DDX42: variants seen among roughly 807,000 people sequenced by gnomAD.
DDX42 encodes the protein DEAD-box helicase 42.
Under a neutral mutation model 101.5 loss-of-function variants are expected in DDX42, and 22 were observed. The observed-to-expected ratio is 0.22, with a 90% CI of 0.15 to 0.31. The LOEUF (loss-of-function observed/expected upper bound fraction) is 0.31, where lower values mean the gene tolerates loss of function less well. Among genes scored for constraint, DDX42 ranks in the 10% least tolerant of loss-of-function variants. The pLI, the probability that DDX42 is intolerant of heterozygous loss-of-function variation, is 1.00. For synonymous variants in DDX42, 402 were observed against 401.2 expected, an observed-to-expected ratio of 1.00 and a Z score of -0.02; for missense variants, 849 against 1,199.9, an observed-to-expected ratio of 0.71 and a Z score of 4.32.
chr17:63,788,440 A>G (rs2584636), intron 2 of DDX42, among the ~76,000 whole-genome samples: 104,620 of 150,700 alleles, frequency 0.69, 37,615 homozygotes, highest in African/African-American at 0.9. Context: ...CCAAGTAACT[A>G]GGACTACAGG....
At chr17:63,781,459 C>T (rs1480220017) in intron 1 of DDX42, among the ~76,000 whole-genome samples, 1 of 151,966 alleles carries the variant, frequency 6.6e-6, no homozygotes, top group South Asian at 2.1e-4. Context: ...CCTTGTGATC[C>T]GCCTGCCTTG....
At chr17:63,800,004 A>G (rs2144562223) in intron 5 of DDX42, 1 of 223,978 alleles carries the variant, frequency 4.5e-6, no homozygotes, top group South Asian at 1.2e-4. Context: ...TGGTTCTTGT[A>G]TTTCAAGCTG....
chr17:63,810,941 C>G lies in DDX42; in HGVS notation c.1301-135C>G, dbSNP rs1047549160. On this transcript the variant is annotated intron_variant, in intron 12 of 17. Transcript: ENST00000389924. ...AAGAGCAAATCTTTCCCTAGTGAATCAGTTTCTAAACTAAATTTAAAGTTC... is the reference window on the plus strand; with the variant it reads ...AAGAGCAAATCTTTCCCTAGTGAATGAGTTTCTAAACTAAATTTAAAGTTC... 4.5e-6 allele frequency: 3 copies of G among 671,710 alleles called. No homozygotes were observed. The Admixed American group carries it at 9.0e-5, about 20-fold the overall frequency. 41.6% of individuals were successfully genotyped at this position (671,710 alleles called of 1,614,324 possible).
chr17:63,781,756 A>G (rs1368237644), intron 1 of DDX42, among the ~76,000 whole-genome samples: 2 of 151,932 alleles, frequency 1.3e-5, no homozygotes, highest in Non-Finnish European at 2.9e-5. Flanking sequence ...CACGCCTGTA[A>G]TCCTAGCACT....
chr17:63,787,202 A>T lies in DDX42; in HGVS notation c.153A>T (p.Ser51=), dbSNP rs773702399. 6.2e-7 allele frequency: 1 copy of T among 1,614,198 alleles called. No homozygotes were observed. The highest frequency in any genetic ancestry group is 1.7e-5 in the Admixed American group (1 of 60,012). The change falls in exon 2 of 18, where the codon TCA becomes TCT. Residue 51 remains serine (S), a synonymous_variant. Transcript: ENST00000389924. ...GCTCTTCTTCTGGATTTGGAAAGTC[A>T]GCTCCACCACAGCTTCCTTCTTTCT... is the stretch of plus-strand genomic sequence containing the variant. The part of the protein sequence containing the change: ...ATSSSSGFGK[S]APPQLPSFYK...
intron 1 of DDX42, among the ~76,000 whole-genome samples, chr17:63,786,607 T>C (rs2039550287): frequency 1.3e-5 from 2 of 152,206 alleles, no homozygotes; most frequent in Admixed American, 1.3e-4. Context: ...ATAGTTTTAA[T>C]TGAGAAGCTA....
chr17:63,800,177 G>C lies in DDX42; in HGVS notation c.472-291G>C, dbSNP rs988401818. On this transcript the variant is annotated intron_variant, in intron 5 of 17. Transcript: ENST00000389924. Reference sequence around the variant, plus strand: ...GCCACAGCATGTGTTCTATGGCTCTGGGCAGGGTTGATAGACACCCCACTC... The same window carrying C: ...GCCACAGCATGTGTTCTATGGCTCTCGGCAGGGTTGATAGACACCCCACTC... 3.6e-4 allele frequency: 120 copies of C among 332,596 alleles called. 1 individual carries two copies. Among genetic ancestry groups the C allele is most frequent in the African/African-American group, 2.1e-3 (100 of 46,894 alleles). The allele number at this position is 332,596 out of a possible 1,614,324, so 20.6% of individuals were successfully genotyped here.
chr17:63,804,424 C>T (rs2039813099), intron 6 of DDX42, among the ~76,000 whole-genome samples: 1 of 152,168 alleles, frequency 6.6e-6, no homozygotes, highest in Non-Finnish European at 1.5e-5. Flanking sequence ...CTTGGCCATA[C>T]ATTTTTTAAA....
chr17:63,813,636 T>C lies in DDX42; in HGVS notation c.1902+182T>C, dbSNP rs116242609. On this transcript the variant is annotated intron_variant, in intron 15 of 17. Coordinates refer to ENST00000389924, the MANE Select transcript of DDX42 (RefSeq NM_203499.3). ...TTCATCTAGTCTTATCTGGTCTTCT[T>C]CTTTCAACAGCATCTGTTTTGAAAA... 7.0e-3 allele frequency among the ~76,000 whole-genome samples: 1,071 copies of C among 152,334 alleles called. 16 individuals carry two copies. The highest frequency in any genetic ancestry group is 0.024 in the African/African-American group (1,011 of 41,568).
chr17:63,813,542 CAAG>C (rs1483289652), intron 15 of DDX42, 88 bp downstream of exon 15: 6 of 1,263,816 alleles, frequency 4.7e-6, no homozygotes, highest in African/African-American at 4.5e-5. Flanking sequence ...AAAAACTTGA[CAAG>C]AAAGTTGGGT....
At chr17:63,797,613 C>CAGAT (rs564764170) in intron 3 of DDX42, among the ~76,000 whole-genome samples, 150 of 152,324 alleles carry the variant, frequency 9.8e-4, no homozygotes, top group African/African-American at 3.5e-3. Context: ...CAGACATTGC[C>CAGAT]AGATGTTGCC....
At chr17:63,787,843 GA>G (rs1226242660) in intron 2 of DDX42, among the ~76,000 whole-genome samples, 1 of 147,528 alleles carries the variant, frequency 6.8e-6, no homozygotes. Context: ...TCCCATCTCA[GA>G]AAAAAACCAA....
intron 3 of DDX42, among the ~76,000 whole-genome samples, chr17:63,797,370 A>AAAAAAAAT (rs2039706625): frequency 6.6e-6 from 1 of 151,454 alleles, no homozygotes. Flanking sequence ...AAAAAAAAAA[A>AAAAAAAAT]GAATTGCCTA....
intron 1 of DDX42, among the ~76,000 whole-genome samples, chr17:63,779,848 G>C (rs1475652426): frequency 6.6e-6 from 1 of 152,060 alleles, no homozygotes; most frequent in Admixed American, 6.6e-5. Context: ...AGAGTACTGG[G>C]AATATAGGCG....
chr17:63,801,861 G>T (rs764848732), intron 6 of DDX42, among the ~76,000 whole-genome samples: 1 of 152,132 alleles, frequency 6.6e-6, no homozygotes, highest in Admixed American at 6.5e-5. Flanking sequence ...GATCCTTAAG[G>T]AATGAGGACA....
chr17:63,793,985 G>T (rs556733085), intron 3 of DDX42, among the ~76,000 whole-genome samples: 2 of 151,606 alleles, frequency 1.3e-5, no homozygotes, highest in South Asian at 4.2e-4. Flanking sequence ...ATCTAATTTC[G>T]CTTGCTTAGT....
intron 14 of DDX42, among the ~76,000 whole-genome samples, chr17:63,812,922 A>G (rs1451498705): frequency 2.6e-5 from 4 of 152,262 alleles, no homozygotes; most frequent in Middle Eastern, 3.4e-3. Flanking sequence ...CTACTTGGAA[A>G]GCTGAGGCAG....
intron 17 of DDX42, chr17:63,817,443 G>A: frequency 2.2e-6 from 1 of 449,036 alleles, no homozygotes; most frequent in Non-Finnish European, 4.0e-6. Context: ...ATACATAGAT[G>A]CTTTATTCTA....
At chr17:63,812,311 G>T in intron 14 of DDX42, 103 bp downstream of exon 14, 1 of 1,439,278 alleles carries the variant, frequency 6.9e-7, no homozygotes, top group Non-Finnish European at 9.2e-7. Flanking sequence ...TGGAAAGACT[G>T]TTGGCCTGGC....
Sources: allele counts gnomAD v4.1 joint callset (sites outside exome capture counted in the v4.1 genomes callset), GRCh38; gene constraint gnomAD v4.1.1; transcripts MANE v1.5; gene names NCBI Gene and HGNC (gene_info 2026-07-23, HGNC 2026-07-21).